Variants in CEP170 observed in about 807,000 individuals in gnomAD.
The protein encoded by CEP170 is centrosomal protein 170.
CEP170 carries 21 observed loss-of-function variants against 151.9 expected under a neutral mutation model. That is an observed-to-expected ratio of 0.14 (90% CI 0.10 to 0.20). CEP170 has a LOEUF of 0.20. Among genes scored for constraint, CEP170 ranks in the 10% least tolerant of loss-of-function variants. The pLI is 1.00. For synonymous variants in CEP170, 356 were observed against 648.8 expected, an observed-to-expected ratio of 0.55 and a Z score of 6.86; for missense variants, 964 against 1,892.9, an observed-to-expected ratio of 0.51 and a Z score of 9.11.
At chr1:243,186,192 A>T (rs534862408) in intron 9 of CEP170, 67 bp downstream of exon 9, 1 of 1,613,640 alleles carries the variant, frequency 6.2e-7, no homozygotes, top group African/African-American at 1.3e-5. Context: ...TGAGTAAAAG[A>T]ATACGACCTT....
rs533176939 is a variant in CEP170, at chr1:243,165,698, C to T, written c.2262G>A (p.Arg754=). ...TAGTAGGTGTCCACTGAGCCTCCTC[C>T]CTTTGTTCTTGTTGTTGAAGTTTTG... ...TLAKLQQQEQ[R]EEAQWTPTKL... The change falls in exon 13 of 20, where the codon AGG becomes AGA. Residue 754 remains arginine (R), a synonymous_variant. Coordinates refer to ENST00000366542, the MANE Select transcript of CEP170 (RefSeq NM_014812.3). 6.8e-6 allele frequency: 11 copies of T among 1,614,084 alleles called. No homozygotes were observed. The South Asian group carries it at 1.2e-4, about 18-fold the overall frequency.
At chr1:243,168,817 T>C (rs945422832) in intron 12 of CEP170, among the ~76,000 whole-genome samples, 5 of 151,990 alleles carry the variant, frequency 3.3e-5, no homozygotes, top group Admixed American at 6.5e-5. Flanking sequence ...AAAAAGCCTT[T>C]ATATTTCTGT....
intron 14 of CEP170, among the ~76,000 whole-genome samples, chr1:243,142,809 C>G (rs1370162872): frequency 3.9e-5 from 6 of 152,116 alleles, no homozygotes; most frequent in African/African-American, 1.4e-4. Flanking sequence ...AGTTCATGAA[C>G]TTAAATGAGA....
intron 10 of CEP170, chr1:243,175,047 A>C (rs2059135833): frequency 6.6e-6 from 1 of 152,250 alleles, no homozygotes; most frequent in Non-Finnish European, 1.5e-5. Context: ...TTGACATGTA[A>C]TTTAGAAATT....
At position 243,176,382 on chromosome 1, in the gene CEP170, GCTGTCTGGGC is replaced by G. The variant is rs567151434; in HGVS notation, c.1567-3546_1567-3537del. 6.8e-3 allele frequency among the ~76,000 whole-genome samples: 1,036 copies of G among 152,198 alleles called. 2 individuals carry two copies. Among genetic ancestry groups the G allele is most frequent in the Non-Finnish European group, 0.011 (750 of 68,010 alleles). On this transcript the variant is annotated intron_variant, in intron 10 of 19. Transcript: ENST00000366542. ...TTGTGAACTTGCACTTGCATGGAGA[GCTGTCTGGGC>G]CTGGCAGATGTTTAAAGACAACTCA...
intron 3 of CEP170, among the ~76,000 whole-genome samples, chr1:243,218,281 C>T (rs927037705): frequency 1.3e-5 from 2 of 152,178 alleles, no homozygotes; most frequent in African/African-American, 4.8e-5. Flanking sequence ...ACACAGACTG[C>T]TGATGGGGGC....
intron 14 of CEP170, among the ~76,000 whole-genome samples, chr1:243,148,050 G>A: frequency 1.3e-5 from 2 of 151,682 alleles, no homozygotes; most frequent in African/African-American, 4.8e-5. Context: ...ATGGTGGCAT[G>A]CGCCTGTAGT....
At chr1:243,244,615 T>C (rs754101031) in intron 1 of CEP170, among the ~76,000 whole-genome samples, 2 of 152,008 alleles carry the variant, frequency 1.3e-5, no homozygotes, top group Non-Finnish European at 2.9e-5. Context: ...CCTGGTGGCA[T>C]GTGCCCTGTA....
At position 243,222,455 on chromosome 1, in the gene CEP170, C is replaced by A. The variant is rs115422241; in HGVS notation, c.106-642G>T. Among the ~76,000 whole-genome samples, 316 of 152,256 alleles carry A rather than the reference C, an allele frequency of 2.1e-3. 3 individuals carry two copies. The highest frequency in any genetic ancestry group is 7.3e-3 in the African/African-American group (303 of 41,544). On this transcript the variant is annotated intron_variant, in intron 2 of 19. Transcript: ENST00000366542. ...TCTCTCTCTCTGTCTCTCTCCAGAGCTTAGTAAGTTGTCTGCAGATGGAAG... is the reference window on the plus strand; with the variant it reads ...TCTCTCTCTCTGTCTCTCTCCAGAGATTAGTAAGTTGTCTGCAGATGGAAG...
In CEP170 at chr1:243,232,083, A is replaced by G. The variant is rs546128994; in HGVS notation, c.-41-6762T>C. On this transcript the variant is annotated intron_variant, in intron 1 of 19. Transcript: ENST00000366542. Reference sequence around the variant, plus strand: ...AGCTCAAGCTCCAGGCTCCCACCTCACCTTCTTGAGTAACGGGGACTACAG... The same window carrying G: ...AGCTCAAGCTCCAGGCTCCCACCTCGCCTTCTTGAGTAACGGGGACTACAG... 1.3e-4 allele frequency among the ~76,000 whole-genome samples: 20 copies of G among 151,830 alleles called. No homozygotes were observed. In the South Asian group the frequency reaches 4.2e-3, roughly 32 times the overall value.
chr1:243,206,951 G>A (rs1304515327), intron 4 of CEP170, among the ~76,000 whole-genome samples: 1 of 152,036 alleles, frequency 6.6e-6, no homozygotes, highest in Non-Finnish European at 1.5e-5. Flanking sequence ...CAACAAAGGA[G>A]ATAAAATGAA....
At chr1:243,206,801 C>A (rs528314247) in intron 4 of CEP170, among the ~76,000 whole-genome samples, 5 of 152,000 alleles carry the variant, frequency 3.3e-5, no homozygotes, top group African/African-American at 1.2e-4. Context: ...AAGGTCAAGA[C>A]GAAAGTATAC....
intron 1 of CEP170, among the ~76,000 whole-genome samples, chr1:243,247,832 G>T (rs1415863687): frequency 6.6e-6 from 1 of 152,104 alleles, no homozygotes; most frequent in Non-Finnish European, 1.5e-5. Context: ...CTATCAAGTT[G>T]GTACCACACT....
At chr1:243,248,702 T>C (rs1242649513) in intron 1 of CEP170, among the ~76,000 whole-genome samples, 4 of 152,218 alleles carry the variant, frequency 2.6e-5, no homozygotes, top group Admixed American at 2.6e-4. Flanking sequence ...TCCTAGCTTA[T>C]CTCATGGTTC....
intron 4 of CEP170, among the ~76,000 whole-genome samples, chr1:243,210,578 A>T (rs1162975309): frequency 2.7e-5 from 4 of 146,422 alleles, no homozygotes; most frequent in Non-Finnish European, 6.0e-5. Context: ...TAGATTTAAA[A>T]TTTAAAAAAT....
At chr1:243,144,747 T>C (rs544576477) in intron 14 of CEP170, among the ~76,000 whole-genome samples, 57 of 152,296 alleles carry the variant, frequency 3.7e-4, no homozygotes, top group African/African-American at 1.3e-3. Flanking sequence ...ATTCTTAACG[T>C]ATATACAACA....
At chr1:243,224,604 T>A (rs2063083647) in intron 2 of CEP170, among the ~76,000 whole-genome samples, 2 of 152,230 alleles carry the variant, frequency 1.3e-5, no homozygotes, top group African/African-American at 4.8e-5. Context: ...CTCCTCCATC[T>A]GATTCTTACC....
At chr1:243,204,947 A>G (rs1484990852) in intron 4 of CEP170, among the ~76,000 whole-genome samples, 1 of 152,040 alleles carries the variant, frequency 6.6e-6, no homozygotes, top group African/African-American at 2.4e-5. Context: ...ACATGATACA[A>G]TGTTTTACAA....
At chr1:243,194,831 A>G (rs1284150754) in intron 7 of CEP170, among the ~76,000 whole-genome samples, 1 of 151,912 alleles carries the variant, frequency 6.6e-6, no homozygotes, top group South Asian at 2.1e-4. Context: ...TATATTATTA[A>G]TCTCAATTAC....
Sources: allele counts gnomAD v4.1 joint callset (sites outside exome capture counted in the v4.1 genomes callset), GRCh38; gene constraint gnomAD v4.1.1; transcripts MANE v1.5; gene names NCBI Gene and HGNC (gene_info 2026-07-23, HGNC 2026-07-21).